SYNPO: variants seen among roughly 807,000 people sequenced by gnomAD.
SYNPO encodes the protein synaptopodin.
In SYNPO, 19 loss-of-function variants were observed where a neutral mutation model predicts 49.5. The observed-to-expected ratio is 0.38, with a 90% confidence interval of 0.27 to 0.56. The LOEUF (loss-of-function observed/expected upper bound fraction) is 0.56, where lower values mean the gene tolerates loss of function less well. Ranked by LOEUF, SYNPO falls within the 20% of genes least tolerant of loss-of-function variation. The pLI, the probability that SYNPO is intolerant of heterozygous loss-of-function variation, is 0.68. For synonymous variants in SYNPO, 536 were observed against 548.0 expected (o/e 0.98, Z 0.31); for missense variants, 1,131 against 1,248.3 (o/e 0.91, Z 1.42).
intron 1 of SYNPO, among the ~76,000 whole-genome samples, chr5:150,604,163 C>A (rs1010566439): frequency 6.6e-6 from 1 of 152,228 alleles, no homozygotes; most frequent in African/African-American, 2.4e-5. Flanking sequence ...ATACCCAAGG[C>A]CAAGGGCAAA....
intron 1 of SYNPO, among the ~76,000 whole-genome samples, chr5:150,609,269 G>A (rs546675172): frequency 6.6e-6 from 1 of 152,156 alleles, no homozygotes; most frequent in Non-Finnish European, 1.5e-5. Context: ...GGTAGGCATG[G>A]TTAAGCATTT....
intron 1 of SYNPO, among the ~76,000 whole-genome samples, chr5:150,609,934 A>C (rs1252205589): frequency 6.6e-6 from 1 of 152,168 alleles, no homozygotes; most frequent in Admixed American, 6.5e-5. Context: ...CTTTGTGCAG[A>C]GTGGCCTCTG....
At chr5:150,588,979 T>A in the SYNPO span, among the ~76,000 whole-genome samples, 1 of 152,324 alleles carries the variant, frequency 6.6e-6, no homozygotes, top group East Asian at 1.9e-4. Context: ...GAGGCTATAT[T>A]GATTCAATGC....
intron 1 of SYNPO, among the ~76,000 whole-genome samples, chr5:150,615,804 T>C (rs1334175807): frequency 6.6e-6 from 1 of 152,234 alleles, no homozygotes; most frequent in Non-Finnish European, 1.5e-5. Flanking sequence ...GTGTCAGAGC[T>C]AGGTTGGAAT....
intron 2 of SYNPO, among the ~76,000 whole-genome samples, chr5:150,630,733 C>A (rs1478189609): frequency 6.6e-6 from 1 of 152,176 alleles, no homozygotes; most frequent in Non-Finnish European, 1.5e-5. Flanking sequence ...TCCATCCCTG[C>A]CCAGCCTCCA....
the SYNPO span, among the ~76,000 whole-genome samples, chr5:150,596,006 T>C: frequency 2.6e-5 from 4 of 152,226 alleles, no homozygotes; most frequent in Non-Finnish European, 5.9e-5. Context: ...CCCATGACCC[T>C]GCAAGGGCAG....
intron 2 of SYNPO, chr5:150,652,576 A>G (rs1758428309): frequency 1.3e-5 from 3 of 234,660 alleles, no homozygotes; most frequent in South Asian, 1.5e-4. Flanking sequence ...CCCTGTGCAA[A>G]TCGCAACCTT....
In SYNPO at chr5:150,648,712, C is replaced by A; in HGVS notation, c.437C>A (p.Pro146Gln). 6.2e-7 allele frequency: 1 copy of A among 1,614,180 alleles called. No homozygotes were observed. Among genetic ancestry groups the A allele is most frequent in the Non-Finnish European group, 8.5e-7 (1 of 1,180,036 alleles). Residue 146 changes from proline to glutamine, a missense_variant, in exon 2 of 3, where the codon CCG becomes CAG. By Grantham distance (76) the Pro-to-Gln change is moderately conservative. Transcript: ENST00000307662. The surrounding 1 kb of genome is among the most constrained non-coding windows in gnomAD (Gnocchi z 5.0). ...TGTGCTGATGGGCAACCCCAGGCAC[C>A]GGCTGAGGAGGTGAGATGCAGCACA... ...TLCADGQPQA[P>Q]AEEVRCSTLL...
At chr5:150,627,492 G>A (rs1378581018) in intron 2 of SYNPO, among the ~76,000 whole-genome samples, 1 of 152,164 alleles carries the variant, frequency 6.6e-6, no homozygotes, top group Non-Finnish European at 1.5e-5. Flanking sequence ...TTGCAGTAGT[G>A]AATAAGACAG....
intron 2 of SYNPO, among the ~76,000 whole-genome samples, chr5:150,624,562 G>C (rs1240070221): frequency 2.0e-5 from 3 of 150,570 alleles, no homozygotes; most frequent in African/African-American, 7.3e-5. Flanking sequence ...AGGTGCCCCC[G>C]CCTGGAGATG....
At chr5:150,617,409 C>T (rs979396539) in intron 1 of SYNPO, among the ~76,000 whole-genome samples, 3 of 152,178 alleles carry the variant, frequency 2.0e-5, no homozygotes, top group Non-Finnish European at 4.4e-5. Flanking sequence ...GATTCTCCTG[C>T]CTCAGCCTCC....
At chr5:150,608,060 C>G (rs575728866) in intron 1 of SYNPO, among the ~76,000 whole-genome samples, 2 of 152,352 alleles carry the variant, frequency 1.3e-5, no homozygotes, top group Non-Finnish European at 2.9e-5. Flanking sequence ...TATTTCCTTT[C>G]GAGGCACTCG....
intron 1 of SYNPO, among the ~76,000 whole-genome samples, chr5:150,605,004 T>C (rs1223641552): frequency 6.6e-6 from 1 of 152,164 alleles, no homozygotes; most frequent in Non-Finnish European, 1.5e-5. Flanking sequence ...TTTCCTCATC[T>C]GTAAAGTGGG....
intron 2 of SYNPO, among the ~76,000 whole-genome samples, chr5:150,625,428 T>TG (rs1393032313): frequency 6.6e-6 from 1 of 152,198 alleles, no homozygotes; most frequent in Non-Finnish European, 1.5e-5. Context: ...GACCGGGCTC[T>TG]GGGGTCTGGC....
intron 2 of SYNPO, among the ~76,000 whole-genome samples, chr5:150,633,975 A>G (rs1757625630): frequency 6.6e-6 from 1 of 152,078 alleles, no homozygotes; most frequent in South Asian, 2.1e-4. Flanking sequence ...AAAAATTAAA[A>G]AAAAGACAAT....
At chr5:150,619,825 G>A (rs1168844406) in intron 2 of SYNPO, among the ~76,000 whole-genome samples, 3 of 152,170 alleles carry the variant, frequency 2.0e-5, no homozygotes, top group Non-Finnish European at 2.9e-5. Flanking sequence ...TTCTCTCCAG[G>A]CTCTGATCAC....
At chr5:150,628,702 G>A (rs2545131) in intron 2 of SYNPO, among the ~76,000 whole-genome samples, 16,911 of 152,132 alleles carry the variant, frequency 0.11, 2,310 homozygotes, top group African/African-American at 0.32. Flanking sequence ...TGAGGTCAGG[G>A]GTTTGAGACC....
intron 1 of SYNPO, chr5:150,614,749 CCCA>C (rs2151359002): frequency 2.0e-5 from 3 of 152,304 alleles, no homozygotes; most frequent in African/African-American, 7.2e-5. Context: ...AGGACTCCCT[CCCA>C]TGTCTGTGGA....
At chr5:150,604,245 G>T (rs1756630723) in intron 1 of SYNPO, among the ~76,000 whole-genome samples, 1 of 152,254 alleles carries the variant, frequency 6.6e-6, no homozygotes, top group African/African-American at 2.4e-5. Flanking sequence ...GGAGCGGGAG[G>T]TGGCACTGCT....
Sources: allele counts gnomAD v4.1 joint callset (sites outside exome capture counted in the v4.1 genomes callset), GRCh38; gene constraint gnomAD v4.1.1; non-coding constraint Gnocchi (gnomAD v3.1); transcripts MANE v1.5; gene names NCBI Gene and HGNC (gene_info 2026-07-23, HGNC 2026-07-21).